The following ANKRD31 variants were observed in gnomAD, a reference collection of about 807,000 sequenced individuals.
The protein encoded by ANKRD31 is ankyrin repeat domain 31, also known as ankyrin repeat domain-containing protein 31.
In ANKRD31, 147 loss-of-function variants were observed where a neutral mutation model predicts 186.0. The observed-to-expected ratio is 0.79, with a 90% CI of 0.69 to 0.91. ANKRD31 has a LOEUF of 0.91. Ranked by LOEUF, ANKRD31 falls within the 40% of genes least tolerant of loss-of-function variation. The pLI is 0.00. For synonymous variants in ANKRD31, 673 were observed against 736.4 expected (o/e 0.91, Z 1.39); for missense variants, 1,986 against 2,148.8 (o/e 0.92, Z 1.50).
rs940562558 is a variant in ANKRD31, at chr5:75,206,772, T to C, written c.327-285A>G. On this transcript the variant is annotated intron_variant, in intron 4 of 25. Transcript: ENST00000506364. ...TGAAGGTGACTTTGGAGGTGACTGT[T>C]TGCCAAATAGGGGCAGGAAGGTCAG... Among the ~76,000 whole-genome samples the C allele has an allele frequency of 6.6e-5, 10 of 152,278 alleles. No individual in the cohort carries two copies. The East Asian group carries it at 1.9e-3, about 29-fold the overall frequency.
chr5:75,069,971 A>G (rs1580260484), intron 25 of ANKRD31, among the ~76,000 whole-genome samples: 1 of 152,202 alleles, frequency 6.6e-6, no homozygotes, highest in Non-Finnish European at 1.5e-5. Context: ...AAGCAAGAGA[A>G]ACTGGTGCTC....
chr5:75,218,736 A>T (rs1757114485), intron 3 of ANKRD31, among the ~76,000 whole-genome samples: 2 of 152,230 alleles, frequency 1.3e-5, no homozygotes. Context: ...AATTCGCACA[A>T]CAAAAAGCTA....
Position 75,091,302 on chromosome 5 carries a change from C to G in ANKRD31, c.5431G>C (p.Gly1811Arg). The change falls in exon 23 of 26, where the codon GGA (glycine) becomes CGA (arginine). Residue 1811 changes from glycine to arginine, a missense_variant. Gly to Arg is a moderately radical substitution (Grantham distance 125). Coordinates refer to ENST00000506364, the MANE Select transcript of ANKRD31 (RefSeq NM_001372053.1). ...NPVTWLKDLL[G>R]GNSYVTWNYA... ...TTCCAGGTCACATAACTGTTGCCTCCCAGAAGATCCTTGAGCCAGGTGACT... is the reference window on the plus strand; with the variant it reads ...TTCCAGGTCACATAACTGTTGCCTCGCAGAAGATCCTTGAGCCAGGTGACT... 1 of 1,537,036 alleles carries G rather than the reference C, an allele frequency of 6.5e-7. No individual in the cohort carries two copies. The highest frequency in any genetic ancestry group is 8.7e-7 in the Non-Finnish European group (1 of 1,146,830).
In ANKRD31 at chr5:75,143,985, T is replaced by G; in HGVS notation, c.3595+16A>C. 1 of 396,976 alleles carries G rather than the reference T, an allele frequency of 2.5e-6. No individual in the cohort carries two copies. The highest frequency in any genetic ancestry group is 4.4e-6 in the Non-Finnish European group (1 of 224,954). 24.6% of individuals were successfully genotyped at this position (396,976 alleles called of 1,614,324 possible). On this transcript the variant is annotated intron_variant, in intron 15 of 25. Transcript: ENST00000506364. ...ATTTTGTAAACTTTAACCTATACAA[T>G]TATAGGAATACAAACCTAGGTTGCA...
At chr5:75,168,117 A>G (rs1406628353) in intron 11 of ANKRD31, among the ~76,000 whole-genome samples, 2 of 152,106 alleles carry the variant, frequency 1.3e-5, no homozygotes, top group Non-Finnish European at 2.9e-5. Context: ...AAACAACAAA[A>G]AAAACTGCCT....
intron 11 of ANKRD31, among the ~76,000 whole-genome samples, chr5:75,165,547 T>C (rs539845047): frequency 6.6e-6 from 1 of 152,310 alleles, no homozygotes; most frequent in South Asian, 2.1e-4. Context: ...ATGATTTTTT[T>C]TCCTTCTAAA....
At chr5:75,077,769 C>T (rs963940536) in intron 25 of ANKRD31, among the ~76,000 whole-genome samples, 4 of 151,576 alleles carry the variant, frequency 2.6e-5, no homozygotes, top group East Asian at 1.9e-4. Flanking sequence ...ACTAAAAATA[C>T]GAAAAATTAG....
At position 75,195,889 on chromosome 5, in the gene ANKRD31, GTT is replaced by G. The variant is rs2150250977; in HGVS notation, c.757_758del (p.Asn253ProfsTer4). On this transcript the variant is annotated frameshift_variant, in exon 7 of 26. Transcript: ENST00000506364. LOFTEE classifies it high-confidence loss of function. ...TGGAACTAAGAGAGTCACTCAATGG[GTT>G]CATCAATTCTTTACGATCAAAATCA... ...VSDFDRKELM[N>X]PLSDSLSSIS... The G allele has an allele frequency of 2.0e-6, 3 of 1,481,980 alleles. No homozygotes were observed. In the African/African-American group the frequency reaches 6.8e-5, roughly 33 times the overall value. 91.8% of individuals were successfully genotyped at this position (1,481,980 alleles called of 1,614,324 possible).
intron 10 of ANKRD31, among the ~76,000 whole-genome samples, chr5:75,184,247 A>G (rs936719762): frequency 4.6e-5 from 7 of 152,124 alleles, no homozygotes; most frequent in Non-Finnish European, 8.8e-5. Context: ...ACAAAATTCA[A>G]CTCAAAGTGG....
chr5:75,140,252 AAGG>A (rs1479625651), intron 15 of ANKRD31, among the ~76,000 whole-genome samples: 1,257 of 90,058 alleles, frequency 0.014, 15 homozygotes, highest in Middle Eastern at 0.042. Context: ...GGAAGGAAGG[AAGG>A]AAGGAAGGAA....
intron 10 of ANKRD31, among the ~76,000 whole-genome samples, chr5:75,171,602 C>G (rs1753325815): frequency 6.7e-6 from 1 of 150,222 alleles, no homozygotes; most frequent in Admixed American, 6.6e-5. Context: ...AGAAAAAGAA[C>G]AGAAATCAAT....
intron 15 of ANKRD31, among the ~76,000 whole-genome samples, chr5:75,143,046 G>A (rs1478455861): frequency 2.6e-5 from 4 of 152,098 alleles, no homozygotes; most frequent in Admixed American, 1.3e-4. Flanking sequence ...ACTCCCTCTG[G>A]AAGCTCTAGG....
chr5:75,140,716 T>G (rs745889782), intron 15 of ANKRD31, among the ~76,000 whole-genome samples: 1 of 152,232 alleles, frequency 6.6e-6, no homozygotes, highest in Non-Finnish European at 1.5e-5. Context: ...ATGATGCAAG[T>G]AGCCATGTTG....
intron 10 of ANKRD31, among the ~76,000 whole-genome samples, chr5:75,173,881 T>G (rs946796600): frequency 2.0e-5 from 3 of 152,062 alleles, no homozygotes; most frequent in African/African-American, 4.8e-5. Context: ...AAAACTACTT[T>G]AAAGTTCATA....
At chr5:75,231,939 A>G (rs1757978414) in intron 1 of ANKRD31, among the ~76,000 whole-genome samples, 1 of 149,150 alleles carries the variant, frequency 6.7e-6, no homozygotes, top group African/African-American at 2.6e-5. Context: ...ACACACACAC[A>G]CACACACACA....
chr5:75,224,178 T>TATATATATATATAC (rs1341100904), intron 2 of ANKRD31, among the ~76,000 whole-genome samples: 21 of 124,446 alleles, frequency 1.7e-4, no homozygotes, highest in South Asian at 2.6e-4. Context: ...TATATATATA[T>TATATATATATATAC]ACACACATTT....
chr5:75,208,053 T>A (rs1223407426), intron 4 of ANKRD31, among the ~76,000 whole-genome samples: 4 of 152,086 alleles, frequency 2.6e-5, no homozygotes, highest in African/African-American at 9.7e-5. Flanking sequence ...TTATGAAAAA[T>A]TATCTTTTCC....
intron 13 of ANKRD31, 46 bp downstream of exon 13, chr5:75,148,530 G>C (rs909714783): frequency 1.6e-5 from 21 of 1,304,516 alleles, no homozygotes; most frequent in Non-Finnish European, 2.1e-5. Context: ...GAAACAACCA[G>C]AAGTTACATC....
chr5:75,227,490 A>G (rs1321139555), intron 2 of ANKRD31, among the ~76,000 whole-genome samples: 2 of 152,192 alleles, frequency 1.3e-5, no homozygotes, highest in Non-Finnish European at 2.9e-5. Context: ...CCCTGATGTG[A>G]TTATCATGCC....
Sources: allele counts gnomAD v4.1 joint callset (sites outside exome capture counted in the v4.1 genomes callset), GRCh38; gene constraint gnomAD v4.1.1; transcripts MANE v1.5; gene names NCBI Gene and HGNC (gene_info 2026-07-23, HGNC 2026-07-21).